FBXO31: variants seen among roughly 807,000 people sequenced by gnomAD.
The protein encoded by FBXO31 is F-box protein 31.
A neutral mutation model predicts 54.4 loss-of-function variants in FBXO31; 24 were observed. That is an observed-to-expected ratio of 0.44 (90% CI 0.32 to 0.62). The LOEUF (loss-of-function observed/expected upper bound fraction) is 0.62. Ranked by LOEUF, FBXO31 falls within the 20% of genes least tolerant of loss-of-function variation. The probability of loss-of-function intolerance (pLI) is 0.05; values close to 1 mark genes in which losing one functional copy is unlikely to be tolerated. For synonymous variants in FBXO31, 388 were observed against 335.6 expected, an observed-to-expected ratio of 1.16 and a Z score of -1.71; for missense variants, 665 against 787.1, an observed-to-expected ratio of 0.84 and a Z score of 1.86.
chr16:87,381,656 C>A (rs890915317), intron 1 of FBXO31, among the ~76,000 whole-genome samples: 3 of 152,228 alleles, frequency 2.0e-5, no homozygotes, highest in African/African-American at 7.2e-5. Context: ...GGGGTGCAAA[C>A]TCAAAGAGCC....
chr16:87,378,709 C>T (rs995180549), intron 1 of FBXO31, among the ~76,000 whole-genome samples: 1 of 152,164 alleles, frequency 6.6e-6, no homozygotes, highest in Non-Finnish European at 1.5e-5. Context: ...CGCCTGTAAT[C>T]CCAGCACTTT....
intron 2 of FBXO31, among the ~76,000 whole-genome samples, chr16:87,353,556 A>C (rs1905758980): frequency 6.6e-6 from 1 of 152,256 alleles, no homozygotes; most frequent in African/African-American, 2.4e-5. Context: ...ACGTGGGGAC[A>C]GAGGCAGGGG....
chr16:87,365,810 T>C (rs987498974), intron 1 of FBXO31, among the ~76,000 whole-genome samples: 7 of 152,082 alleles, frequency 4.6e-5, no homozygotes, highest in East Asian at 3.9e-4. Context: ...GGCAAATCAC[T>C]TGAGGTCAGG....
At chr16:87,339,940 G>A (rs1905140132) in intron 5 of FBXO31, among the ~76,000 whole-genome samples, 2 of 152,230 alleles carry the variant, frequency 1.3e-5, no homozygotes, top group Admixed American at 6.5e-5. Flanking sequence ...GGGCAACACA[G>A]TGAGACCCTA....
rs1436843862 is a variant in FBXO31 at position 87,338,701 on chromosome 16, G to A, written c.733-2437C>T. Among the ~76,000 whole-genome samples, 1 of 152,152 alleles carries A rather than the reference G, an allele frequency of 6.6e-6. No individual in the cohort carries two copies. The highest frequency in any genetic ancestry group is 1.5e-5 in the Non-Finnish European group (1 of 68,032). On this transcript the variant is annotated intron_variant, in intron 5 of 8. Transcript: ENST00000311635. The surrounding 1 kb of genome is among the most constrained non-coding windows in gnomAD (Gnocchi z 4.3). The stretch of plus-strand genomic sequence containing the variant: ...GGGGTGACCCACACAGAGATGCAGG[G>A]ATGCCAAAGAGACTGCATTGCCCTC...
Position 87,343,784 on chromosome 16 carries a change from A to C in FBXO31, c.490-19T>G, listed in dbSNP as rs1466736142. ...CGTCCACCTACAGGAGGAGATGGGC[A>C]AAGGTCCATGAGTGGCTCCCGGGCC... On this transcript the variant is annotated intron_variant, in intron 3 of 8. Transcript: ENST00000311635. The C allele has an allele frequency of 3.1e-6, 5 of 1,613,730 alleles. No individual in the cohort carries two copies. Among genetic ancestry groups the C allele is most frequent in the Non-Finnish European group, 4.2e-6 (5 of 1,179,762 alleles).
At chr16:87,370,370 T>C (rs1319940351) in intron 1 of FBXO31, among the ~76,000 whole-genome samples, 1 of 152,234 alleles carries the variant, frequency 6.6e-6, no homozygotes, top group East Asian at 1.9e-4. Context: ...AGAAGGCACT[T>C]GGCATCTTCC....
intron 1 of FBXO31, among the ~76,000 whole-genome samples, chr16:87,378,976 A>C (rs928805170): frequency 1.5e-4 from 23 of 151,774 alleles, no homozygotes; most frequent in Admixed American, 7.9e-4. Context: ...AAAAAAAAAA[A>C]CAAAATATAT....
At position 87,345,954 on chromosome 16, in the gene FBXO31, C is replaced by T. The variant is rs1262993778; in HGVS notation, c.489+1220G>A. Among the ~76,000 whole-genome samples the T allele has an allele frequency of 2.0e-5, 3 of 152,174 alleles. No homozygotes were observed. On this transcript the variant is annotated intron_variant, in intron 3 of 8. Coordinates refer to ENST00000311635, the MANE Select transcript of FBXO31 (RefSeq NM_024735.5). The surrounding 1 kb of genome is among the most constrained non-coding windows in gnomAD (Gnocchi z 4.9). Reference sequence around the variant, plus strand: ...AACACAGCCCCATGCTGCACACAGGCAGTTGCACGAGGCACCTGCGGAATC... The same window carrying T: ...AACACAGCCCCATGCTGCACACAGGTAGTTGCACGAGGCACCTGCGGAATC...
At position 87,336,316 on chromosome 16, in the gene FBXO31, AG is replaced by A. The variant is rs1312753911; in HGVS notation, c.733-53del. ...ATCCATATGACAGGAGGCTGTGAAG[AG>A]GCTGCCGGCTGTGCCGCTGAGAGGA... On this transcript the variant is annotated intron_variant, in intron 5 of 8. Transcript: ENST00000311635. The surrounding 1 kb of genome is among the most constrained non-coding windows in gnomAD (Gnocchi z 6.5). The A allele has an allele frequency of 2.7e-5, 42 of 1,546,646 alleles. No homozygotes were observed. Among genetic ancestry groups the A allele is most frequent in the Non-Finnish European group, 3.6e-5 (40 of 1,122,438 alleles).
chr16:87,387,325 G>A (rs533950059), upstream of FBXO31, among the ~76,000 whole-genome samples: 2 of 152,084 alleles, frequency 1.3e-5, no homozygotes, highest in Admixed American at 6.5e-5. Context: ...AGGAAGGTGC[G>A]TGCATTCTAA....
At chr16:87,390,788 G>T (rs1452181487), upstream of FBXO31, among the ~76,000 whole-genome samples, 1 of 151,876 alleles carries the variant, frequency 6.6e-6, no homozygotes, top group Non-Finnish European at 1.5e-5. Context: ...TGGAGGACGG[G>T]GTCTTGCTAT....
chr16:87,347,062 A>T, intron 3 of FBXO31, 112 bp downstream of exon 3: 1 of 953,526 alleles, frequency 1.0e-6, no homozygotes, highest in South Asian at 1.3e-5. Flanking sequence ...TAATTACCTC[A>T]AACGCACATC....
At chr16:87,385,776 A>T (rs1368961120), upstream of FBXO31, among the ~76,000 whole-genome samples, 1 of 152,202 alleles carries the variant, frequency 6.6e-6, no homozygotes, top group Non-Finnish European at 1.5e-5. Context: ...TGGGAGGCCA[A>T]GGCGGGCAGA....
intron 2 of FBXO31, among the ~76,000 whole-genome samples, chr16:87,347,872 T>A (rs1905463482): frequency 6.6e-6 from 1 of 152,152 alleles, no homozygotes; most frequent in Admixed American, 6.5e-5. Context: ...AATGCCAAGA[T>A]GCTGGTAGCG....
chr16:87,352,944 G>A (rs548025411), intron 2 of FBXO31, among the ~76,000 whole-genome samples: 55 of 152,346 alleles, frequency 3.6e-4, no homozygotes, highest in Non-Finnish European at 7.1e-4. Context: ...CTTGGCCCAC[G>A]TGCCACAGGT....
At chr16:87,331,616 A>C (rs2318446) in intron 8 of FBXO31, 106 bp from the exon 9 acceptor site, 15 of 937,360 alleles carry the variant, frequency 1.6e-5, no homozygotes, top group Non-Finnish European at 2.1e-5. Flanking sequence ...AGCCACATCC[A>C]CTGTTCATCA....
intron 8 of FBXO31, 141 bp downstream of exon 8, chr16:87,333,745 C>T: frequency 7.6e-7 from 1 of 1,323,028 alleles, no homozygotes. Context: ...GGGTCAGAGG[C>T]CGCACTCCTG....
At chr16:87,340,047 C>T (rs1336467461) in intron 5 of FBXO31, among the ~76,000 whole-genome samples, 1 of 152,234 alleles carries the variant, frequency 6.6e-6, no homozygotes, top group Non-Finnish European at 1.5e-5. Context: ...CTTTGGGAGG[C>T]CGAGGTGGGC....
Sources: allele counts gnomAD v4.1 joint callset (sites outside exome capture counted in the v4.1 genomes callset), GRCh38; gene constraint gnomAD v4.1.1; non-coding constraint Gnocchi (gnomAD v3.1); transcripts MANE v1.5; gene names NCBI Gene and HGNC (gene_info 2026-07-23, HGNC 2026-07-21).